Variants in TEX10 observed in about 807,000 individuals in gnomAD.
TEX10 encodes the protein testis-expressed protein 10.
In TEX10, 24 loss-of-function variants were observed where a neutral mutation model predicts 104.4. The ratio of observed to expected loss-of-function variants is 0.23; its 90% confidence interval spans 0.17 to 0.32. The LOEUF (loss-of-function observed/expected upper bound fraction) is 0.32. TEX10 is among the 10% of genes least tolerant of loss of function. TEX10 has a pLI of 1.00. For missense variants in TEX10, 921 were observed against 1,083.9 expected (o/e 0.85, Z 2.11); for synonymous variants, 396 against 393.4 (o/e 1.01, Z -0.08).
At chr9:100,335,460 A>G (rs1196908958) in intron 5 of TEX10, among the ~76,000 whole-genome samples, 1 of 151,914 alleles carries the variant, frequency 6.6e-6, no homozygotes, top group Non-Finnish European at 1.5e-5. Flanking sequence ...TCAGCCTCCC[A>G]AAAGTGCTGG....
intron 1 of TEX10, among the ~76,000 whole-genome samples, chr9:100,351,077 G>C (rs1056232600): frequency 6.6e-6 from 1 of 151,890 alleles, no homozygotes; most frequent in African/African-American, 2.4e-5. Flanking sequence ...TACCAAGCCC[G>C]GTACTAGATG....
intron 11 of TEX10, among the ~76,000 whole-genome samples, chr9:100,318,299 T>C (rs1046505761): frequency 1.3e-5 from 2 of 152,216 alleles, no homozygotes; most frequent in African/African-American, 2.4e-5. Context: ...AAGAATAAAA[T>C]CATGCCTTCT....
intron 11 of TEX10, among the ~76,000 whole-genome samples, chr9:100,319,563 G>A (rs922152745): frequency 6.6e-6 from 1 of 152,100 alleles, no homozygotes; most frequent in African/African-American, 2.4e-5. Flanking sequence ...CCAGCACTTT[G>A]GGAGGCTGAG....
intron 11 of TEX10, among the ~76,000 whole-genome samples, chr9:100,318,827 G>A (rs1834490170): frequency 6.6e-6 from 1 of 152,184 alleles, no homozygotes; most frequent in Non-Finnish European, 1.5e-5. Flanking sequence ...TACTCAGAAG[G>A]CTGAGGCAGG....
intron 5 of TEX10, among the ~76,000 whole-genome samples, chr9:100,334,223 T>C (rs539971195): frequency 1.3e-4 from 20 of 151,788 alleles, no homozygotes; most frequent in Non-Finnish European, 2.4e-4. Context: ...CACTGTGAAA[T>C]TGCAGAAAAT....
intron 2 of TEX10, among the ~76,000 whole-genome samples, chr9:100,348,558 G>T (rs75554399): frequency 6.6e-6 from 1 of 151,956 alleles, no homozygotes; most frequent in Admixed American, 6.5e-5. Context: ...ATCTTAATTC[G>T]CTAAAAAACA....
chr9:100,326,290 T>G lies in TEX10; in HGVS notation c.1979+12A>C. On this transcript the variant is annotated intron_variant, in intron 9 of 14. Coordinates refer to ENST00000374902, the MANE Select transcript of TEX10 (RefSeq NM_017746.4). The stretch of plus-strand genomic sequence containing the variant: ...TTATACACTTAAAATACAGCTCACT[T>G]GAGCATGCTACCTCATGTGCAGTAT... The G allele has an allele frequency of 6.2e-7, 1 of 1,610,916 alleles. No individual in the cohort carries two copies. Among genetic ancestry groups the G allele is most frequent in the Non-Finnish European group, 8.5e-7 (1 of 1,178,764 alleles).
intron 4 of TEX10, among the ~76,000 whole-genome samples, chr9:100,342,239 T>C (rs548524425): frequency 1.3e-5 from 2 of 152,232 alleles, no homozygotes; most frequent in East Asian, 1.9e-4. Context: ...TGACAACCTA[T>C]CTAAAATAGC....
intron 1 of TEX10, chr9:100,352,494 C>T: frequency 3.9e-6 from 6 of 1,551,204 alleles, no homozygotes; most frequent in Non-Finnish European, 4.4e-6. Flanking sequence ...AAGTGGGGCC[C>T]GATTCACACA....
At chr9:100,317,567 G>A (rs919656090) in intron 11 of TEX10, among the ~76,000 whole-genome samples, 2 of 152,114 alleles carry the variant, frequency 1.3e-5, no homozygotes, top group Non-Finnish European at 1.5e-5. Flanking sequence ...TCTGGACATT[G>A]ATCTAGACAA....
Position 100,320,399 on chromosome 9 carries a change from C to G in TEX10, c.2069-1G>C, listed in dbSNP as rs1235922626. Reference sequence around the variant, plus strand: ...CAAGTCAACTCCTCTTTCGAAAACCCTAATTCAGGTAACAAAGAAAGCCAA... The same window carrying G: ...CAAGTCAACTCCTCTTTCGAAAACCGTAATTCAGGTAACAAAGAAAGCCAA... On this transcript the variant is annotated splice_acceptor_variant, in intron 10 of 14. Coordinates refer to ENST00000374902, the MANE Select transcript of TEX10 (RefSeq NM_017746.4). LOFTEE classifies it high-confidence loss of function. 6.3e-7 allele frequency: 1 copy of G among 1,586,052 alleles called. No individual in the cohort carries two copies. The highest frequency in any genetic ancestry group is 8.5e-7 in the Non-Finnish European group (1 of 1,171,234).
chr9:100,315,045 A>G (rs1176872155), intron 11 of TEX10, among the ~76,000 whole-genome samples: 2 of 152,184 alleles, frequency 1.3e-5, no homozygotes, highest in African/African-American at 2.4e-5. Context: ...ATGCAAAACG[A>G]TGTATTTGCA....
At chr9:100,340,186 G>C (rs1835139336) in intron 5 of TEX10, 71 bp downstream of exon 5, 2 of 917,506 alleles carry the variant, frequency 2.2e-6, no homozygotes. Context: ...CCATATTAAG[G>C]TTAATTACTT....
At chr9:100,325,257 C>T (rs1288195372) in intron 9 of TEX10, among the ~76,000 whole-genome samples, 1 of 152,166 alleles carries the variant, frequency 6.6e-6, no homozygotes, top group East Asian at 1.9e-4. Context: ...CCACATCAGA[C>T]CCTACCCACA....
intron 5 of TEX10, among the ~76,000 whole-genome samples, chr9:100,332,390 G>T (rs890334226): frequency 6.6e-6 from 1 of 152,146 alleles, no homozygotes; most frequent in African/African-American, 2.4e-5. Flanking sequence ...CTGCAAACTT[G>T]GGAGAGTTCC....
intron 5 of TEX10, among the ~76,000 whole-genome samples, chr9:100,338,851 C>A (rs952756936): frequency 1.9e-4 from 29 of 151,662 alleles, no homozygotes; most frequent in African/African-American, 7.0e-4. Context: ...AAGATTACGC[C>A]TTGCACTCCA....
chr9:100,328,440 A>T (rs1834763368), intron 7 of TEX10, among the ~76,000 whole-genome samples: 1 of 152,210 alleles, frequency 6.6e-6, no homozygotes, highest in South Asian at 2.1e-4. Context: ...CCTGAACTTA[A>T]GTCTCAGCTC....
chr9:100,306,843 G>C (rs1352806585), intron 13 of TEX10: 2 of 152,148 alleles, frequency 1.3e-5, no homozygotes, highest in African/African-American at 4.8e-5. Flanking sequence ...GCCACATGAA[G>C]TCAAAGGATG....
rs375074756 is a variant in TEX10 at position 100,346,770 on chromosome 9, C to T, written c.817G>A (p.Ala273Thr). Residue 273 changes from alanine to threonine, a missense_variant, in exon 3 of 15, where the codon GCC (alanine) becomes ACC (threonine). By Grantham distance (58) the Ala-to-Thr change is moderately conservative. This residue lies in a region of TEX10 where 753 missense variants were observed against 868.4 expected (regional missense o/e 0.87). Coordinates refer to ENST00000374902, the MANE Select transcript of TEX10 (RefSeq NM_017746.4). ...NSIFINWKEH[A>T]NDQQHIQVYE... ...ACCTGGATGTGTTGCTGGTCGTTGG[C>T]ATGTTCCTTCCAGTTGATAAAAATG... 5.6e-6 allele frequency: 9 copies of T among 1,614,066 alleles called. No individual in the cohort carries two copies. The highest frequency in any genetic ancestry group is 1.3e-5 in the African/African-American group (1 of 74,922).
Sources: allele counts gnomAD v4.1 joint callset (sites outside exome capture counted in the v4.1 genomes callset), GRCh38; gene constraint gnomAD v4.1.1; regional missense constraint gnomAD v4.1.1; transcripts MANE v1.5; gene names NCBI Gene and HGNC (gene_info 2026-07-23, HGNC 2026-07-21).